The following SHKBP1 variants were observed in gnomAD, a reference collection of about 807,000 sequenced individuals.
The protein encoded by SHKBP1 is SH3KBP1-binding protein 1.
Under a neutral mutation model 83.9 loss-of-function variants are expected in SHKBP1, and 71 were observed. The ratio of observed to expected loss-of-function variants is 0.85; its 90% CI spans 0.70 to 1.03. SHKBP1 has a LOEUF of 1.03. Ranked by LOEUF, SHKBP1 falls within the 50% of genes least tolerant of loss-of-function variation. The probability of loss-of-function intolerance (pLI) is 0.00; values close to 1 mark genes in which losing one functional copy is unlikely to be tolerated. For missense variants in SHKBP1, 824 were observed against 982.4 expected, an observed-to-expected ratio of 0.84 and a Z score of 2.16; for synonymous variants, 371 against 398.0, an observed-to-expected ratio of 0.93 and a Z score of 0.81.
At chr19:40,586,648 G>A in intron 12 of SHKBP1, 126 bp from the exon 13 acceptor site, 1 of 966,840 alleles carries the variant, frequency 1.0e-6, no homozygotes, top group South Asian at 2.6e-5. Context: ...ATTACGGCGT[G>A]AGCCACCGTG....
chr19:40,590,792 G>A lies in SHKBP1; in HGVS notation c.1831G>A (p.Ala611Thr). The A allele has an allele frequency of 6.2e-7, 1 of 1,601,736 alleles. No homozygotes were observed. Among genetic ancestry groups the A allele is most frequent in the Non-Finnish European group, 8.5e-7 (1 of 1,170,054 alleles). Residue 611 changes from alanine to threonine, a missense_variant, in exon 17 of 18, where the codon GCT becomes ACT. Physicochemically the swap from Ala to Thr is moderately conservative, Grantham distance 58 (BLOSUM62 0). Transcript: ENST00000291842. The surrounding 1 kb of genome is among the most constrained non-coding windows in gnomAD (Gnocchi z 4.6). ...QLEHCELAPP[A>T]PSAPSWGCLP... ...GGAACACTGTGAGCTGGCCCCGCCG[G>A]CTCCTTCAGCTCCCTCATGGGGCTG... is the stretch of plus-strand genomic sequence containing the variant.
chr19:40,580,669 G>A lies in SHKBP1; in HGVS notation c.653+13G>A. On this transcript the variant is annotated intron_variant, in intron 8 of 17. Coordinates refer to ENST00000291842, the MANE Select transcript of SHKBP1 (RefSeq NM_138392.4). ...TAGTCTGCTACAGGTGCTTGGGGAGGGAGTGGCAGGAGGTCCCAGCCCTGT... is the reference window on the plus strand; with the variant it reads ...TAGTCTGCTACAGGTGCTTGGGGAGAGAGTGGCAGGAGGTCCCAGCCCTGT... 1 of 1,614,150 alleles carries A rather than the reference G, an allele frequency of 6.2e-7. No individual in the cohort carries two copies. The highest frequency in any genetic ancestry group is 8.5e-7 in the Non-Finnish European group (1 of 1,180,014).
intron 12 of SHKBP1, 25 bp from the exon 13 acceptor site, chr19:40,586,749 C>T: frequency 3.3e-6 from 5 of 1,534,168 alleles, no homozygotes; most frequent in Non-Finnish European, 3.5e-6. Context: ...CCCAGGCCCT[C>T]TCCTCATCCT....
In SHKBP1 at chr19:40,586,778, C is replaced by G; in HGVS notation, c.1170C>G (p.Asp390Glu). 1 of 1,580,214 alleles carries G rather than the reference C, an allele frequency of 6.3e-7. No individual in the cohort carries two copies. Among genetic ancestry groups the G allele is most frequent in the Non-Finnish European group, 8.6e-7 (1 of 1,158,152 alleles). Residue 390 changes from aspartate (D) to glutamate (E), a missense_variant, in exon 13 of 18, where the codon GAC becomes GAG. Around this residue, in one of 3 missense-constraint regions of SHKBP1, gnomAD observed 182 missense variants for 273.1 expected, o/e 0.67. Coordinates refer to ENST00000291842, the MANE Select transcript of SHKBP1 (RefSeq NM_138392.4). ...LSVYLTPKTS[D>E]SGNWIEIAYG... ...TCATCCTTGGCCCCTCACCAGGTGA[C>G]AGTGGGAACTGGATCGAGATCGCCT...
rs775183316 is a variant in SHKBP1, at chr19:40,578,494, C to A, written c.352C>A (p.Arg118=). Residue 118 remains arginine (R), a synonymous_variant, in exon 6 of 18, where the codon CGA becomes AGA. Coordinates refer to ENST00000291842, the MANE Select transcript of SHKBP1 (RefSeq NM_138392.4). ...RRLQLREELD[R]SSCGNVLFNG... ...CCTGCAGCTTCGAGAGGAGTTGGATCGATCTTCTTGTGGAAACGTCCTCTT... is the reference window on the plus strand; with the variant it reads ...CCTGCAGCTTCGAGAGGAGTTGGATAGATCTTCTTGTGGAAACGTCCTCTT... 3.1e-6 allele frequency: 5 copies of A among 1,614,028 alleles called. No homozygotes were observed. The East Asian group carries it at 8.9e-5, about 29-fold the overall frequency.
In SHKBP1 at chr19:40,590,567, C is replaced by T; in HGVS notation, c.1768+145C>T. The T allele has an allele frequency of 2.4e-6, 3 of 1,272,750 alleles. No homozygotes were observed. The South Asian group carries it at 4.2e-5, about 18-fold the overall frequency. The allele number at this position is 1,272,750 out of a possible 1,614,324, so 78.8% of individuals were successfully genotyped here. A position where few individuals can be genotyped will look rare whatever the true frequency, so the allele number is the denominator to read the frequency against. On this transcript the variant is annotated intron_variant, in intron 16 of 17. Coordinates refer to ENST00000291842, the MANE Select transcript of SHKBP1 (RefSeq NM_138392.4). The surrounding 1 kb of genome is among the most constrained non-coding windows in gnomAD (Gnocchi z 4.6). ...ACCCCCTCTCTGCTCCCCATCCCTT[C>T]CTGCCCTTGTTTTTCAACCCCTGTC...
Position 40,580,446 on chromosome 19 carries a change from G to A in SHKBP1, c.523G>A (p.Gly175Ser), listed in dbSNP as rs781559180. ...PPNLGNAGLL[G>S]RMLDEKTPPS... is the part of the protein sequence containing the mutation. Reference sequence around the variant, plus strand: ...CAACCTTGGCAATGCAGGGCTGCTGGGCCGAATGCTGGATGAGAAAACCCC... The same window carrying A: ...CAACCTTGGCAATGCAGGGCTGCTGAGCCGAATGCTGGATGAGAAAACCCC... Residue 175 changes from glycine to serine, a missense_variant, in exon 7 of 18, where the codon GGC becomes AGC. Physicochemically the swap from Gly to Ser is moderately conservative, Grantham distance 56. Coordinates refer to ENST00000291842, the MANE Select transcript of SHKBP1 (RefSeq NM_138392.4). 4 of 1,613,018 alleles carry A rather than the reference G, an allele frequency of 2.5e-6. No individual in the cohort carries two copies. The highest frequency in any genetic ancestry group is 3.4e-6 in the Non-Finnish European group (4 of 1,179,198).
In SHKBP1 at chr19:40,591,096, G is replaced by A. The variant is rs765568466; in HGVS notation, c.2013G>A (p.Val671=). Residue 671 remains valine, a synonymous_variant, in exon 18 of 18, where the codon GTG becomes GTA. Coordinates refer to ENST00000291842, the MANE Select transcript of SHKBP1 (RefSeq NM_138392.4). ...GSFVERCQEL[V]RSGPDLRRPP... is the part of the protein sequence containing the mutation. ...TTGTGGAACGCTGCCAGGAACTGGT[G>A]CGGAGTGGGCCAGACCTCCGACGGC... The A allele has an allele frequency of 6.2e-7, 1 of 1,612,702 alleles. No homozygotes were observed. Among genetic ancestry groups the A allele is most frequent in the Non-Finnish European group, 8.5e-7 (1 of 1,179,090 alleles).
chr19:40,577,019 G>C (rs767591580), intron 1 of SHKBP1, 34 bp downstream of exon 1: 14 of 1,429,496 alleles, frequency 9.8e-6, no homozygotes, highest in Non-Finnish European at 1.3e-5. Flanking sequence ...TCCCATCCTC[G>C]GGGGCGGGAA....
In SHKBP1 at chr19:40,582,472, A is replaced by G. The variant is rs1009214794; in HGVS notation, c.960+6A>G. 1.2e-6 allele frequency: 2 copies of G among 1,612,866 alleles called. No homozygotes were observed. Among genetic ancestry groups the G allele is most frequent in the African/African-American group, 2.7e-5 (2 of 74,890 alleles). ...CCGTCACCAAGCACTGGCAGGTCAG[A>G]GTTCTGGCCAGCCTGGCTGCCCCCT... On this transcript the variant is annotated splice_donor_region_variant and intron_variant, in intron 10 of 17. Coordinates refer to ENST00000291842, the MANE Select transcript of SHKBP1 (RefSeq NM_138392.4).
chr19:40,578,524 G>A lies in SHKBP1; in HGVS notation c.382G>A (p.Gly128Ser), dbSNP rs373215939. ...RSSCGNVLFN[G>S]YLPPPVFPVK... ...TTCTTGTGGAAACGTCCTCTTCAAT[G>A]GTTACCTGCCGCCACCAGGTAGGCA... Residue 128 changes from glycine to serine, a missense_variant, in exon 6 of 18, where the codon GGT becomes AGT. This residue lies in a region of SHKBP1 where 355 missense variants were observed against 386.4 expected (regional missense o/e 0.92). Coordinates refer to ENST00000291842, the MANE Select transcript of SHKBP1 (RefSeq NM_138392.4). The A allele has an allele frequency of 6.2e-7, 1 of 1,614,010 alleles. No homozygotes were observed. The highest frequency in any genetic ancestry group is 1.7e-5 in the Admixed American group (1 of 59,994).
Position 40,589,323 on chromosome 19 carries a change from G to A in SHKBP1, c.1589+145G>A, listed in dbSNP as rs1218088378. 3.7e-6 allele frequency: 3 copies of A among 805,878 alleles called. No individual in the cohort carries two copies. In the East Asian group the frequency reaches 8.1e-5, roughly 22 times the overall value. The allele number at this position is 805,878 out of a possible 1,614,324, so 49.9% of individuals were successfully genotyped here. On this transcript the variant is annotated intron_variant, in intron 15 of 17. Transcript: ENST00000291842. ...AGCATTGAAGGAGCAAAGGCTGGGA[G>A]GGAGGACAGGCCTGGTAGGTTTGTC...
Position 40,590,586 on chromosome 19 carries a change from C to T in SHKBP1, c.1769-144C>T. 6 of 1,303,294 alleles carry T rather than the reference C, an allele frequency of 4.6e-6. No individual in the cohort carries two copies. Among genetic ancestry groups the T allele is most frequent in the Non-Finnish European group, 6.3e-6 (6 of 947,170 alleles). The allele number at this position is 1,303,294 out of a possible 1,614,324, so 80.7% of individuals were successfully genotyped here. ...TCCCTTCCTGCCCTTGTTTTTCAAC[C>T]CCTGTCTCAGCCTCTGGCCCCCATG... On this transcript the variant is annotated intron_variant, in intron 16 of 17. Coordinates refer to ENST00000291842, the MANE Select transcript of SHKBP1 (RefSeq NM_138392.4). The surrounding 1 kb of genome is among the most constrained non-coding windows in gnomAD (Gnocchi z 4.6).
rs767075955 is a variant in SHKBP1, at chr19:40,583,742, G to A, written c.1165+25G>A. On this transcript the variant is annotated intron_variant, in intron 12 of 17. Coordinates refer to ENST00000291842, the MANE Select transcript of SHKBP1 (RefSeq NM_138392.4). ...AGTAAGCTATGACCCGGCTTCCCCT[G>A]CTGCTGTCACCTGCCAGCCCCAGCC... 52 of 1,581,494 alleles carry A rather than the reference G, an allele frequency of 3.3e-5. No individual in the cohort carries two copies. In the East Asian group the frequency reaches 1.1e-3, roughly 35 times the overall value.
Position 40,590,789 on chromosome 19 carries a change from C to G in SHKBP1, c.1828C>G (p.Pro610Ala). The stretch of plus-strand genomic sequence containing the variant: ...GCTGGAACACTGTGAGCTGGCCCCG[C>G]CGGCTCCTTCAGCTCCCTCATGGGG... ...EQLEHCELAP[P>A]APSAPSWGCL... The change falls in exon 17 of 18, where the codon CCG becomes GCG. Residue 610 changes from proline (P) to alanine (A), a missense_variant. By Grantham distance (27) the Pro-to-Ala change is conservative. Transcript: ENST00000291842. This position sits in a 1 kb window ranked among gnomAD's most constrained non-coding sequence, Gnocchi z 4.6. The G allele has an allele frequency of 6.2e-7, 1 of 1,602,710 alleles. No individual in the cohort carries two copies. The highest frequency in any genetic ancestry group is 8.5e-7 in the Non-Finnish European group (1 of 1,170,818).
chr19:40,582,892 T>C (rs2081281700), intron 10 of SHKBP1, among the ~76,000 whole-genome samples: 1 of 146,580 alleles, frequency 6.8e-6, no homozygotes, highest in Non-Finnish European at 1.5e-5. Context: ...ACCAGGCAAA[T>C]AGAAATAGAA....
chr19:40,580,043 A>AC, intron 6 of SHKBP1: 1 of 271,470 alleles, frequency 3.7e-6, no homozygotes, highest in African/African-American at 2.3e-5. Context: ...AAAAAAAAAA[A>AC]AAAAAAAAAA....
At position 40,590,836 on chromosome 19, in the gene SHKBP1, C is replaced by T. The variant is rs753120529; in HGVS notation, c.1875C>T (p.Pro625=). 12 of 1,586,110 alleles carry T rather than the reference C, an allele frequency of 7.6e-6. No homozygotes were observed. Among genetic ancestry groups the T allele is most frequent in the Non-Finnish European group, 9.5e-6 (11 of 1,159,318 alleles). ...GGGGCTGTCTCCCCAGCCCCTCACC[C>T]CGCATCTCCCTCACCAGGTAGCCAC... ...PSWGCLPSPS[P]RISLTSLHSA... is the part of the protein sequence containing the mutation. Residue 625 remains proline, a synonymous_variant, in exon 17 of 18, where the codon CCC becomes CCT. Transcript: ENST00000291842. The surrounding 1 kb of genome is among the most constrained non-coding windows in gnomAD (Gnocchi z 4.6).
At chr19:40,589,623 T>C (rs561757463) in intron 15 of SHKBP1, among the ~76,000 whole-genome samples, 68 of 149,748 alleles carry the variant, frequency 4.5e-4, no homozygotes, top group Non-Finnish European at 8.9e-4. Flanking sequence ...TTGCTTCAGC[T>C]GGGAAAGGGG....
Sources: gnomAD v4.1 joint callset for allele counts (sites outside exome capture counted in the v4.1 genomes callset) on GRCh38, gnomAD v4.1.1 for gene constraint, gnomAD v4.1.1 regional missense constraint, Gnocchi (gnomAD v3.1) non-coding constraint, MANE v1.5 for transcripts, NCBI Gene and HGNC (gene_info 2026-07-23, HGNC 2026-07-21) for gene names.